Variants in GLIS3 observed in about 807,000 individuals in gnomAD.
GLIS3 encodes zinc finger protein GLIS3.
In GLIS3, 53 loss-of-function variants were observed where a neutral mutation model predicts 78.6. The ratio of observed to expected loss-of-function variants is 0.67; its 90% CI spans 0.54 to 0.85. GLIS3 has a LOEUF of 0.85. Among genes scored for constraint, GLIS3 ranks in the 40% least tolerant of loss-of-function variants. The pLI is 0.00. For synonymous variants in GLIS3, 684 were observed against 509.9 expected (o/e 1.34, Z -4.60); for missense variants, 1,703 against 1,231.1 (o/e 1.38, Z -5.74).
intron 2 of GLIS3, among the ~76,000 whole-genome samples, chr9:4,239,992 T>A (rs141452313): frequency 9.8e-4 from 150 of 152,366 alleles, no homozygotes; most frequent in African/African-American, 3.5e-3. Context: ...TCACTTTTTT[T>A]ACGTTGAATT....
intron 4 of GLIS3, among the ~76,000 whole-genome samples, chr9:4,101,723 G>A (rs776427235): frequency 2.0e-5 from 3 of 152,176 alleles, no homozygotes; most frequent in East Asian, 1.9e-4. Context: ...AAGCACTGCC[G>A]GCTTGACATA....
At chr9:4,463,843 G>C in the GLIS3 span, among the ~76,000 whole-genome samples, 1 of 152,158 alleles carries the variant, frequency 6.6e-6, no homozygotes, top group African/African-American at 2.4e-5. Flanking sequence ...AAGAGTGCAG[G>C]AGTGCAGGCA....
intron 4 of GLIS3, chr9:3,975,067 G>A (rs578086063): frequency 6.6e-6 from 1 of 151,944 alleles, no homozygotes; most frequent in African/African-American, 2.4e-5. Flanking sequence ...GAATTTCTGG[G>A]GTTGCAATGT....
intron 9 of GLIS3, among the ~76,000 whole-genome samples, chr9:3,840,033 C>T (rs915338082): frequency 2.0e-5 from 3 of 152,090 alleles, no homozygotes; most frequent in Non-Finnish European, 4.4e-5. Context: ...GACCCATTAA[C>T]GAATTGTGTG....
chr9:4,457,822 C>T, the GLIS3 span, among the ~76,000 whole-genome samples: 4 of 150,038 alleles, frequency 2.7e-5, no homozygotes, highest in African/African-American at 9.8e-5. Flanking sequence ...TTCACTCCAG[C>T]CTGGCGACAG....
Position 4,286,482 on chromosome 9 carries a change from C to T in GLIS3, c.-57G>A. ...ATCCAATGTCACTAATGACTCCTTT[C>T]AGGCAAAGTCCAATAAGTTATCCAT... On this transcript the variant is annotated 5_prime_UTR_variant, in exon 2 of 11. It removes the in-frame stop codon of an upstream open reading frame in the 5' UTR. Transcript: ENST00000381971. The T allele has an allele frequency of 1.9e-6, 3 of 1,598,344 alleles. No homozygotes were observed. Among genetic ancestry groups the T allele is most frequent in the African/African-American group, 2.7e-5 (2 of 74,844 alleles).
intron 2 of GLIS3, among the ~76,000 whole-genome samples, chr9:4,279,101 A>G (rs904572156): frequency 6.6e-6 from 1 of 151,930 alleles, no homozygotes; most frequent in African/African-American, 2.4e-5. Flanking sequence ...GGAGTTCAAG[A>G]CCAGCCTGGC....
chr9:4,394,661 G>A, the GLIS3 span, among the ~76,000 whole-genome samples: 3 of 152,098 alleles, frequency 2.0e-5, no homozygotes, highest in Non-Finnish European at 2.9e-5. Flanking sequence ...TTTCAGAAAA[G>A]GAAACCCACT....
chr9:4,064,685 T>C (rs1826945068), intron 4 of GLIS3, among the ~76,000 whole-genome samples: 2 of 152,060 alleles, frequency 1.3e-5, no homozygotes, highest in South Asian at 2.1e-4. Flanking sequence ...TCCCAGCTAC[T>C]TGGAAGGCTG....
intron 2 of GLIS3, among the ~76,000 whole-genome samples, chr9:4,264,864 C>G (rs1424927174): frequency 2.0e-5 from 3 of 152,012 alleles, no homozygotes; most frequent in Admixed American, 6.6e-5. Flanking sequence ...CTCTCAAATA[C>G]TCAGTGAAAT....
intron 6 of GLIS3, chr9:3,900,878 C>G (rs537122526): frequency 2.6e-5 from 4 of 152,106 alleles, no homozygotes; most frequent in African/African-American, 9.7e-5. Context: ...GTGACCCCTG[C>G]GACACACAGG....
chr9:4,136,204 T>C (rs887230840), intron 2 of GLIS3, among the ~76,000 whole-genome samples: 5 of 152,184 alleles, frequency 3.3e-5, no homozygotes, highest in Admixed American at 2.6e-4. Context: ...AGATAAGATA[T>C]ACTCACCTAG....
intron 1 of GLIS3, among the ~76,000 whole-genome samples, chr9:4,297,577 G>A (rs1056450968): frequency 3.9e-5 from 6 of 152,336 alleles, no homozygotes; most frequent in African/African-American, 1.4e-4. Flanking sequence ...GCCGGCTCGG[G>A]GAGAGGGTGC....
At chr9:4,059,612 G>T (rs145619118) in intron 4 of GLIS3, among the ~76,000 whole-genome samples, 1 of 152,310 alleles carries the variant, frequency 6.6e-6, no homozygotes, top group East Asian at 1.9e-4. Context: ...CTGGTGCAGG[G>T]ATTGCTTTGT....
the GLIS3 span, among the ~76,000 whole-genome samples, chr9:4,449,522 T>G: frequency 6.6e-6 from 1 of 152,222 alleles, no homozygotes; most frequent in Non-Finnish European, 1.5e-5. Context: ...CCTCCTCAAG[T>G]GGGTCCCTGA....
At chr9:3,987,562 C>T (rs921460979) in intron 4 of GLIS3, among the ~76,000 whole-genome samples, 1 of 151,012 alleles carries the variant, frequency 6.6e-6, no homozygotes, top group African/African-American at 2.4e-5. Flanking sequence ...ATTAGCTGGG[C>T]GTTGTGGTGG....
At chr9:4,458,480 G>C in the GLIS3 span, among the ~76,000 whole-genome samples, 115 of 152,292 alleles carry the variant, frequency 7.6e-4, 6 homozygotes, top group South Asian at 0.023. Flanking sequence ...TGGAAGTAGA[G>C]TGTGTTACTT....
the GLIS3 span, among the ~76,000 whole-genome samples, chr9:4,485,304 C>T: frequency 2.6e-5 from 4 of 152,068 alleles, no homozygotes; most frequent in African/African-American, 4.8e-5. Flanking sequence ...CGTGAGCCAC[C>T]GCGCTCAGCC....
intron 6 of GLIS3, among the ~76,000 whole-genome samples, chr9:3,927,824 C>T (rs972506357): frequency 6.6e-6 from 1 of 152,212 alleles, no homozygotes; most frequent in East Asian, 1.9e-4. Context: ...GGGAAGCCTC[C>T]AAGCAACTGG....
Sources: allele counts gnomAD v4.1 joint callset (sites outside exome capture counted in the v4.1 genomes callset), GRCh38; gene constraint gnomAD v4.1.1; transcripts MANE v1.5; gene names NCBI Gene and HGNC (gene_info 2026-07-23, HGNC 2026-07-21).